ZNF143: variants seen among roughly 807,000 people sequenced by gnomAD.
ZNF143 encodes the protein SPH-binding factor.
A neutral mutation model predicts 74.1 loss-of-function variants in ZNF143; 49 were observed. The observed-to-expected ratio is 0.66, with a 90% confidence interval of 0.53 to 0.84. The LOEUF is 0.84. Among genes scored for constraint, ZNF143 ranks in the 40% least tolerant of loss-of-function variants. ZNF143 has a pLI of 0.00. For missense variants in ZNF143, 637 were observed against 793.4 expected (o/e 0.80, Z 2.37); for synonymous variants, 304 against 282.8 (o/e 1.07, Z -0.75).
chr11:9,502,047 C>T (rs1848182146), intron 11 of ZNF143, among the ~76,000 whole-genome samples: 1 of 146,942 alleles, frequency 6.8e-6, no homozygotes, highest in Non-Finnish European at 1.5e-5. Context: ...AGCGATTCTC[C>T]CACCTCAGCC....
At position 9,486,414 on chromosome 11, in the gene ZNF143, T is replaced by TATATAATATATTATATATATAAA. The variant is rs1847523060; in HGVS notation, c.645+6873_645+6874insATATATTATATATATAAAATATA. On this transcript the variant is annotated intron_variant, in intron 7 of 15. Transcript: ENST00000396602. Reference sequence around the variant, plus strand: ...TATATATAATATATTATATATATAATATATATTATATATATTATATATATA... The same window carrying TATATAATATATTATATATATAAA: ...TATATATAATATATTATATATATAATATATAATATATTATATATATAAAATATATTATATATATTATATATATA... Among the ~76,000 whole-genome samples, 56 of 24,034 alleles carry TATATAATATATTATATATATAAA rather than the reference T, an allele frequency of 2.3e-3. 3 individuals are homozygous for TATATAATATATTATATATATAAA. The highest frequency in any genetic ancestry group is 9.3e-3 in the African/African-American group (56 of 6,022). The allele number at this position is 24,034 out of a possible 152,430, so 15.8% of individuals were successfully genotyped here. A position where few individuals can be genotyped will look rare whatever the true frequency, so the allele number is the denominator to read the frequency against.
chr11:9,486,719 A>T (rs908035901), intron 7 of ZNF143, among the ~76,000 whole-genome samples: 6 of 149,630 alleles, frequency 4.0e-5, no homozygotes, highest in Middle Eastern at 3.4e-3. Flanking sequence ...CCCAGGCTGG[A>T]GTGCAGTGGT....
At chr11:9,462,995 A>T (rs1855964201) in intron 1 of ZNF143, among the ~76,000 whole-genome samples, 1 of 152,186 alleles carries the variant, frequency 6.6e-6, no homozygotes, top group Non-Finnish European at 1.5e-5. Context: ...ATTTCCTCTC[A>T]GTTGTCCCCT....
At chr11:9,504,820 A>G (rs1451717443) in intron 11 of ZNF143, among the ~76,000 whole-genome samples, 431 of 88,060 alleles carry the variant, frequency 4.9e-3, no homozygotes, top group Middle Eastern at 0.029. Context: ...GACTACAGGC[A>G]CCTGCCACCA....
chr11:9,513,573 A>G (rs1261221983), intron 13 of ZNF143, among the ~76,000 whole-genome samples: 1 of 148,424 alleles, frequency 6.7e-6, no homozygotes, highest in African/African-American at 2.6e-5. Context: ...ACTACTGAGA[A>G]ACCCCCAGTG....
Position 9,525,228 on chromosome 11 carries a change from G to C in ZNF143, c.1687-12G>C, listed in dbSNP as rs1276025083. 3 of 1,613,834 alleles carry C rather than the reference G, an allele frequency of 1.9e-6. No individual in the cohort carries two copies. Among genetic ancestry groups the C allele is most frequent in the Non-Finnish European group, 1.7e-6 (2 of 1,179,884 alleles). On this transcript the variant is annotated splice_polypyrimidine_tract_variant and intron_variant, in intron 14 of 15. Coordinates refer to ENST00000396602, the MANE Select transcript of ZNF143 (RefSeq NM_003442.6). Reference sequence around the variant, plus strand: ...ATTCTTTATGTGTATGGTTTGTTTTGTTTTGCTTAAGGTTGCAATTGTAGC... The same window carrying C: ...ATTCTTTATGTGTATGGTTTGTTTTCTTTTGCTTAAGGTTGCAATTGTAGC...
chr11:9,477,163 CT>C lies in ZNF143; in HGVS notation c.374-1225del, dbSNP rs1270521025. 7.7e-4 allele frequency among the ~76,000 whole-genome samples: 104 copies of C among 134,382 alleles called. 1 individual carries two copies. Among genetic ancestry groups the C allele is most frequent in the African/African-American group, 2.0e-3 (66 of 33,012 alleles). 88.2% of individuals were successfully genotyped at this position (134,382 alleles called of 152,430 possible). The stretch of plus-strand genomic sequence containing the variant: ...CCTTCCTTCCTTCCTTCCTTCCTTC[CT>C]TCCTTCCTCCTCTCCCTTCCCTCCT... On this transcript the variant is annotated intron_variant, in intron 5 of 15. Coordinates refer to ENST00000396602, the MANE Select transcript of ZNF143 (RefSeq NM_003442.6).
chr11:9,495,216 G>A (rs951325461), intron 8 of ZNF143, among the ~76,000 whole-genome samples: 3 of 152,172 alleles, frequency 2.0e-5, no homozygotes, highest in East Asian at 3.9e-4. Context: ...GGCCGAGGCG[G>A]GTGGATCACC....
rs547955903 is a variant in ZNF143 at position 9,513,571 on chromosome 11, G to GAAAC, written c.1524+976_1524+979dup. 1.2e-4 allele frequency among the ~76,000 whole-genome samples: 18 copies of GAAAC among 148,498 alleles called. No homozygotes were observed. In the South Asian group the frequency reaches 3.7e-3, roughly 31 times the overall value. ...GCAGGTCTGAAATAGCCACTACTGA[G>GAAAC]AAACCCCCAGTGATTAGGCAATTTC... is the stretch of plus-strand genomic sequence containing the variant. On this transcript the variant is annotated intron_variant, in intron 13 of 15. Transcript: ENST00000396602.
chr11:9,516,239 C>T lies in ZNF143; in HGVS notation c.1563C>T (p.Asn521=). The change falls in exon 14 of 16, where the codon AAC becomes AAT. Residue 521 remains asparagine (N), a synonymous_variant. Transcript: ENST00000396602. ...AAGCTGACATGCAGGCCATTGGCAA[C>T]ACCATCACAATGGTAACGCAGGATG... The part of the protein sequence containing the change: ...ISQADMQAIG[N]TITMVTQDGT... 1 of 1,614,046 alleles carries T rather than the reference C, an allele frequency of 6.2e-7. No individual in the cohort carries two copies. The highest frequency in any genetic ancestry group is 2.2e-5 in the East Asian group (1 of 44,876).
chr11:9,476,896 A>G (rs1416842652), intron 5 of ZNF143, among the ~76,000 whole-genome samples: 1 of 150,076 alleles, frequency 6.7e-6, no homozygotes, highest in Admixed American at 6.7e-5. Flanking sequence ...AGTAGCTGGG[A>G]CTACAGGCAC....
chr11:9,515,686 G>T (rs576529289), intron 13 of ZNF143, among the ~76,000 whole-genome samples: 1 of 148,482 alleles, frequency 6.7e-6, no homozygotes, highest in Non-Finnish European at 1.5e-5. Context: ...AAAAAGAAAA[G>T]AAATACTGTA....
chr11:9,489,042 C>G (rs569917071), intron 7 of ZNF143, among the ~76,000 whole-genome samples: 1 of 152,324 alleles, frequency 6.6e-6, no homozygotes, highest in African/African-American at 2.4e-5. Flanking sequence ...GCCAGAATGG[C>G]TTTTTGACTG....
intron 4 of ZNF143, 61 bp downstream of exon 4, chr11:9,474,085 A>G (rs2133878875): frequency 7.5e-7 from 1 of 1,326,820 alleles, no homozygotes; most frequent in Admixed American, 1.7e-5. Flanking sequence ...AGTATTTGCT[A>G]CCTGCAGCTC....
intron 7 of ZNF143, among the ~76,000 whole-genome samples, chr11:9,483,860 C>G (rs1222660612): frequency 6.7e-6 from 1 of 150,342 alleles, no homozygotes; most frequent in Non-Finnish European, 1.5e-5. Flanking sequence ...GCGGATTCTC[C>G]TGCTTCAGCC....
chr11:9,471,514 A>G (rs1856565532), intron 2 of ZNF143, 94 bp downstream of exon 2: 1 of 900,390 alleles, frequency 1.1e-6, no homozygotes, highest in Non-Finnish European at 1.6e-6. Context: ...TTTAGCAGAA[A>G]ACAATATAAA....
intron 2 of ZNF143, among the ~76,000 whole-genome samples, chr11:9,472,442 C>T (rs1019421481): frequency 6.6e-6 from 1 of 152,014 alleles, no homozygotes; most frequent in Admixed American, 6.6e-5. Context: ...TTAGTAGAGA[C>T]GGGGTTTCAC....
intron 7 of ZNF143, among the ~76,000 whole-genome samples, chr11:9,487,703 G>T (rs1176819106): frequency 1.3e-5 from 2 of 152,194 alleles, no homozygotes; most frequent in Non-Finnish European, 2.9e-5. Flanking sequence ...TTAAATACCA[G>T]TGAAGTCATT....
intron 1 of ZNF143, among the ~76,000 whole-genome samples, chr11:9,466,441 G>A (rs1207455531): frequency 2.7e-5 from 4 of 149,478 alleles, no homozygotes; most frequent in Admixed American, 6.7e-5. Context: ...GATTACAGGC[G>A]TCTGCCACCA....
Sources: gnomAD v4.1 joint callset for allele counts (sites outside exome capture counted in the v4.1 genomes callset) on GRCh38, gnomAD v4.1.1 for gene constraint, MANE v1.5 for transcripts, NCBI Gene and HGNC (gene_info 2026-07-23, HGNC 2026-07-21) for gene names.